BCOR: variants seen among roughly 807,000 people sequenced by gnomAD.
BCOR encodes the protein BCL6 corepressor.
BCOR carries 10 observed loss-of-function variants against 86.7 expected under a neutral mutation model. The observed-to-expected ratio is 0.12, with a 90% CI of 0.07 to 0.20. The LOEUF is 0.20. Ranked by LOEUF, BCOR falls within the 10% of genes least tolerant of loss-of-function variation. The pLI is 1.00. For missense variants in BCOR, 1,259 were observed against 1,452.1 expected (o/e 0.87, Z 2.16); for synonymous variants, 611 against 609.0 (o/e 1.00, Z -0.05).
intron 7 of BCOR, 36 bp downstream of exon 7, chrX:40,064,300 A>AC (rs763322828): frequency 2.5e-6 from 3 of 1,208,866 alleles, no homozygotes; most frequent in East Asian, 3.0e-5. Context: ...GCAAAGGCCC[A>AC]CCCCCCGGCA....
At chrX:40,057,046 CCT>C (rs1177567273) in intron 11 of BCOR, 107 bp downstream of exon 11, 13 of 897,067 alleles carry the variant, frequency 1.4e-5, no homozygotes, top group South Asian at 4.2e-5. Flanking sequence ...TTACAGTCAC[CCT>C]CTGTCTTTCC....
chrX:40,114,894 C>T (rs1360872919), intron 1 of BCOR, among the ~76,000 whole-genome samples: 1 of 99,799 alleles, frequency 1.0e-5, no homozygotes, highest in African/African-American at 3.7e-5. Context: ...ACTGTGTCGC[C>T]CAGGCTGGAG....
At chrX:40,138,439 G>A (rs752296971) in intron 1 of BCOR, among the ~76,000 whole-genome samples, 7 of 111,993 alleles carry the variant, frequency 6.3e-5, no homozygotes, top group South Asian at 7.4e-4. Flanking sequence ...CCATCAACTC[G>A]GCCAAATGAC....
At position 40,051,575 on chromosome X, in the gene BCOR, AGTT is replaced by A. The variant is rs1254670096; in HGVS notation, c.*531_*533del. 1.7e-5 allele frequency: 3 copies of A among 174,133 alleles called. No individual in the cohort carries two copies. Among genetic ancestry groups the A allele is most frequent in the African/African-American group, 2.9e-5 (1 of 34,051 alleles). 14.4% of individuals were successfully genotyped at this position (174,133 alleles called of 1,213,427 possible). A position where few individuals can be genotyped will look rare whatever the true frequency, so the allele number is the denominator to read the frequency against. ...TAGGATATAAAAGTTTCATACAATT[AGTT>A]GTTGTGTGTGGATATGGTTTGAATT... On this transcript the variant is annotated 3_prime_UTR_variant, in exon 15 of 15. Coordinates refer to ENST00000378444, the MANE Select transcript of BCOR (RefSeq NM_001123385.2).
chrX:40,151,342 T>A (rs1938162119), intron 1 of BCOR, among the ~76,000 whole-genome samples: 1 of 112,343 alleles, frequency 8.9e-6, no homozygotes, highest in African/African-American at 3.2e-5. Flanking sequence ...CCTTCTGTAA[T>A]GTTTTCCTGG....
intron 1 of BCOR, among the ~76,000 whole-genome samples, chrX:40,164,367 C>T (rs1456418349): frequency 8.9e-6 from 1 of 112,948 alleles, no homozygotes; most frequent in African/African-American, 3.2e-5. Context: ...AATTTCATAA[C>T]TTATTGCTAA....
rs773613362 is a variant in BCOR, at chrX:40,077,980, G to GA, written c.-40-12dup. The GA allele has an allele frequency of 7.3e-5, 79 of 1,083,656 alleles. No individual in the cohort carries two copies. Among genetic ancestry groups the GA allele is most frequent in the Non-Finnish European group, 1.0e-4 (78 of 780,109 alleles). 89.3% of individuals were successfully genotyped at this position (1,083,656 alleles called of 1,213,427 possible). A position where few individuals can be genotyped will look rare whatever the true frequency, so the allele number is the denominator to read the frequency against. On this transcript the variant is annotated splice_polypyrimidine_tract_variant and intron_variant, in intron 1 of 14. Coordinates refer to ENST00000378444, the MANE Select transcript of BCOR (RefSeq NM_001123385.2). ...CTTCAAGCGTCTAGTCTGTTAAAAGGAAAGAAAAAAAATCCCAGGAGGTTC... is the reference window on the plus strand; with the variant it reads ...CTTCAAGCGTCTAGTCTGTTAAAAGGAAAAGAAAAAAAATCCCAGGAGGTTC...
intron 1 of BCOR, among the ~76,000 whole-genome samples, chrX:40,169,111 G>A (rs1938566744): frequency 8.9e-6 from 1 of 112,648 alleles, no homozygotes. Flanking sequence ...AAATTAGGAG[G>A]TCCGCGAAAT....
chrX:40,164,355 T>C (rs975574596), intron 1 of BCOR, among the ~76,000 whole-genome samples: 1 of 112,899 alleles, frequency 8.9e-6, no homozygotes, highest in Non-Finnish European at 1.9e-5. Flanking sequence ...GGGGAAGAGA[T>C]CAATTTCATA....
At chrX:40,144,970 C>G (rs1238699539) in intron 1 of BCOR, among the ~76,000 whole-genome samples, 4 of 106,205 alleles carry the variant, frequency 3.8e-5, no homozygotes, top group Non-Finnish European at 5.8e-5. Context: ...TAAAATATGC[C>G]GACCTCAACC....
At chrX:40,082,659 A>G (rs1004204662) in intron 1 of BCOR, among the ~76,000 whole-genome samples, 4 of 110,452 alleles carry the variant, frequency 3.6e-5, no homozygotes, top group African/African-American at 1.3e-4. Flanking sequence ...CCCGGCTCCC[A>G]CCCTCACTCA....
chrX:40,069,365 G>C (rs1274468655), intron 6 of BCOR, among the ~76,000 whole-genome samples: 1 of 112,261 alleles, frequency 8.9e-6, no homozygotes, highest in African/African-American at 3.2e-5. Flanking sequence ...CAAGAACACA[G>C]CCTGTTGGTA....
intron 1 of BCOR, among the ~76,000 whole-genome samples, chrX:40,122,460 C>A (rs752439256): frequency 1.2e-4 from 13 of 112,082 alleles, no homozygotes; most frequent in African/African-American, 3.9e-4. Flanking sequence ...CATGGTTGTC[C>A]TTGTTTTGAT....
At chrX:40,139,476 T>TAATATATATAC (rs1247510211) in intron 1 of BCOR, among the ~76,000 whole-genome samples, 1 of 11,799 alleles carries the variant, frequency 8.5e-5, no homozygotes. Context: ...TATATATATA[T>TAATATATATAC]ATATATATAT....
At chrX:40,167,911 G>C (rs1201809318) in intron 1 of BCOR, among the ~76,000 whole-genome samples, 3 of 113,078 alleles carry the variant, frequency 2.7e-5, no homozygotes, top group Non-Finnish European at 5.6e-5. Context: ...GGCTCCACCT[G>C]GCCGGGCCGC....
chrX:40,135,292 G>A (rs1937655681), intron 1 of BCOR, among the ~76,000 whole-genome samples: 1 of 111,255 alleles, frequency 9.0e-6, no homozygotes, highest in Non-Finnish European at 1.9e-5. Context: ...CTCGGTCTGG[G>A]GTCTCCTCTG....
intron 1 of BCOR, among the ~76,000 whole-genome samples, chrX:40,081,712 G>A (rs1389686017): frequency 1.8e-5 from 2 of 113,067 alleles, no homozygotes; most frequent in African/African-American, 3.2e-5. Context: ...TGTGAGCTGC[G>A]AAGCTGCACC....
intron 1 of BCOR, among the ~76,000 whole-genome samples, chrX:40,172,503 G>A (rs963114603): frequency 2.6e-5 from 3 of 113,597 alleles, no homozygotes; most frequent in African/African-American, 9.6e-5. Flanking sequence ...CGGGGAGGAG[G>A]AAGGAAAAGC....
chrX:40,164,194 A>G (rs749862472), intron 1 of BCOR, among the ~76,000 whole-genome samples: 11 of 112,568 alleles, frequency 9.8e-5, no homozygotes, highest in African/African-American at 3.5e-4. Flanking sequence ...TATGGGACAC[A>G]GCTGAGGTCC....
Sources: allele counts gnomAD v4.1 joint callset (sites outside exome capture counted in the v4.1 genomes callset), GRCh38; gene constraint gnomAD v4.1.1; transcripts MANE v1.5; gene names NCBI Gene and HGNC (gene_info 2026-07-23, HGNC 2026-07-21).